TBC1D22A: variants seen among roughly 807,000 people sequenced by gnomAD.
TBC1D22A encodes the protein putative GTPase activator.
Under a neutral mutation model 60.2 loss-of-function variants are expected in TBC1D22A, and 38 were observed. The ratio of observed to expected loss-of-function variants is 0.63; its 90% CI spans 0.49 to 0.83. TBC1D22A has a LOEUF of 0.83. TBC1D22A is among the 40% of genes least tolerant of loss of function. The probability of loss-of-function intolerance (pLI) is 0.00; values close to 1 mark genes in which losing one functional copy is unlikely to be tolerated. For synonymous variants in TBC1D22A, 302 were observed against 281.7 expected, an observed-to-expected ratio of 1.07 and a Z score of -0.72; for missense variants, 628 against 701.0, an observed-to-expected ratio of 0.90 and a Z score of 1.18.
At chr22:47,149,300 G>C (rs915477464) in intron 12 of TBC1D22A, among the ~76,000 whole-genome samples, 1 of 152,236 alleles carries the variant, frequency 6.6e-6, no homozygotes, top group South Asian at 2.1e-4. Context: ...CATCTGCTCC[G>C]TGGCATCCTG....
chr22:47,083,870 T>C (rs1356477681), intron 11 of TBC1D22A, among the ~76,000 whole-genome samples: 4 of 152,110 alleles, frequency 2.6e-5, no homozygotes, highest in Admixed American at 6.5e-5. Context: ...AACGAAAGGA[T>C]TGACAACTCT....
At chr22:46,903,249 G>A (rs1182505467) in intron 7 of TBC1D22A, among the ~76,000 whole-genome samples, 2 of 152,288 alleles carry the variant, frequency 1.3e-5, no homozygotes, top group African/African-American at 4.8e-5. Context: ...CAGTGGCACA[G>A]CCATCCCAGG....
At chr22:47,005,119 T>A (rs1376550093) in intron 10 of TBC1D22A, among the ~76,000 whole-genome samples, 5 of 151,424 alleles carry the variant, frequency 3.3e-5, no homozygotes, top group African/African-American at 1.2e-4. Flanking sequence ...ATTCACACAC[T>A]CTTACACACG....
At chr22:47,123,473 C>T (rs777112069) in intron 12 of TBC1D22A, among the ~76,000 whole-genome samples, 1 of 152,232 alleles carries the variant, frequency 6.6e-6, no homozygotes, top group Non-Finnish European at 1.5e-5. Context: ...TTGGGCCAGT[C>T]CATTGCTGTC....
chr22:46,773,181 C>G (rs967713431), intron 1 of TBC1D22A, among the ~76,000 whole-genome samples: 1 of 152,146 alleles, frequency 6.6e-6, no homozygotes, highest in East Asian at 1.9e-4. Context: ...GAACACAGGC[C>G]GTGGAGATCT....
intron 11 of TBC1D22A, among the ~76,000 whole-genome samples, chr22:47,103,037 C>T (rs933592879): frequency 3.3e-5 from 5 of 152,152 alleles, no homozygotes; most frequent in African/African-American, 1.2e-4. Flanking sequence ...ATTTCTTCCC[C>T]CCTCTCCCAA....
intron 11 of TBC1D22A, among the ~76,000 whole-genome samples, chr22:47,074,951 C>T (rs1264624548): frequency 2.0e-5 from 3 of 152,188 alleles, no homozygotes; most frequent in South Asian, 2.1e-4. Context: ...GGGCCAGGTG[C>T]GGTGGCTCAC....
intron 4 of TBC1D22A, among the ~76,000 whole-genome samples, chr22:46,868,983 G>C (rs545040568): frequency 3.5e-4 from 54 of 152,294 alleles, no homozygotes; most frequent in Admixed American, 9.2e-4. Context: ...AGCCCTTTCT[G>C]GGGGTTCTTT....
At chr22:47,033,124 T>C (rs951279216) in intron 10 of TBC1D22A, among the ~76,000 whole-genome samples, 2 of 152,250 alleles carry the variant, frequency 1.3e-5, no homozygotes, top group African/African-American at 4.8e-5. Flanking sequence ...CAGACTTGAA[T>C]TCCACGTGTC....
intron 4 of TBC1D22A, among the ~76,000 whole-genome samples, chr22:46,800,512 T>C (rs924666107): frequency 1.3e-5 from 2 of 151,782 alleles, no homozygotes; most frequent in Non-Finnish European, 2.9e-5. Flanking sequence ...CCTGGGAGAG[T>C]GGGTCCTGGA....
At chr22:47,148,276 T>G (rs1220843953) in intron 12 of TBC1D22A, among the ~76,000 whole-genome samples, 1 of 146,216 alleles carries the variant, frequency 6.8e-6, no homozygotes, top group African/African-American at 2.6e-5. Flanking sequence ...GAGAGGCACC[T>G]CCCAACACAG....
chr22:47,170,897 ACCGGAGAGAGGG>A (rs2068420358), intron 12 of TBC1D22A, among the ~76,000 whole-genome samples: 1 of 19,260 alleles, frequency 5.2e-5, no homozygotes, highest in Non-Finnish European at 9.3e-5. Context: ...CTGATGCAGG[ACCGGAGAGAGGG>A]CAGTCCTGGT....
chr22:47,159,537 C>A (rs891843856), intron 12 of TBC1D22A, among the ~76,000 whole-genome samples: 1 of 151,576 alleles, frequency 6.6e-6, no homozygotes, highest in African/African-American at 2.4e-5. Flanking sequence ...ACAGCACACA[C>A]ACGATGTATA....
At chr22:47,029,761 C>T (rs1027471137) in intron 10 of TBC1D22A, among the ~76,000 whole-genome samples, 1 of 152,260 alleles carries the variant, frequency 6.6e-6, no homozygotes, top group African/African-American at 2.4e-5. Flanking sequence ...CTTCCTTGAG[C>T]CCCATCTCTC....
At chr22:46,997,321 A>C (rs1427704020) in intron 9 of TBC1D22A, among the ~76,000 whole-genome samples, 1 of 152,228 alleles carries the variant, frequency 6.6e-6, no homozygotes, top group Admixed American at 6.5e-5. Flanking sequence ...AGCTATGCCC[A>C]TGGATGCCTG....
rs554315875 is a variant in TBC1D22A, at chr22:46,787,879, A to G, written c.63-4641A>G. On this transcript the variant is annotated intron_variant, in intron 1 of 12. Transcript: ENST00000337137. ...TGTGTGGTTATTCCTTATGTCCTAT[A>G]TGTCACTAAGCTGGCTGCAGCCTGC... Among the ~76,000 whole-genome samples the G allele has an allele frequency of 5.8e-4, 86 of 149,048 alleles. 1 individual carries two copies. Among genetic ancestry groups the G allele is most frequent in the African/African-American group, 2.1e-3 (85 of 40,278 alleles).
At chr22:46,968,485 G>T (rs1368040620) in intron 8 of TBC1D22A, among the ~76,000 whole-genome samples, 1 of 149,350 alleles carries the variant, frequency 6.7e-6, no homozygotes, top group Non-Finnish European at 1.5e-5. Flanking sequence ...TGGTGGGCAG[G>T]CGTCCTCACT....
At chr22:46,788,747 C>T (rs1163103361) in intron 1 of TBC1D22A, among the ~76,000 whole-genome samples, 1 of 152,216 alleles carries the variant, frequency 6.6e-6, no homozygotes, top group East Asian at 1.9e-4. Flanking sequence ...GTGATGTTTT[C>T]ATCTGGATGC....
At position 46,793,604 on chromosome 22, in the gene TBC1D22A, G is replaced by A; in HGVS notation, c.223G>A (p.Gly75Arg). ...CAATACCAGCGATGCCTGGGACGCT[G>A]GGGAGGACGACGATGAGCTCCTGGC... is the stretch of plus-strand genomic sequence containing the variant. ...ESNTSDAWDA[G>R]EDDDELLAMA... The change falls in exon 3 of 13, where the codon GGG becomes AGG. Residue 75 changes from glycine to arginine, a missense_variant. Coordinates refer to ENST00000337137, the MANE Select transcript of TBC1D22A (RefSeq NM_014346.5). 1.2e-6 allele frequency: 2 copies of A among 1,613,946 alleles called. No individual in the cohort carries two copies. The highest frequency in any genetic ancestry group is 1.7e-6 in the Non-Finnish European group (2 of 1,180,036).
Sources: allele counts gnomAD v4.1 joint callset (sites outside exome capture counted in the v4.1 genomes callset), GRCh38; gene constraint gnomAD v4.1.1; transcripts MANE v1.5; gene names NCBI Gene and HGNC (gene_info 2026-07-23, HGNC 2026-07-21).